The following TENM2 variants were observed in gnomAD, a reference collection of about 807,000 sequenced individuals.
The protein encoded by TENM2 is teneurin-2.
A neutral mutation model predicts 245.2 loss-of-function variants in TENM2; 52 were observed. That is an observed-to-expected ratio of 0.21 (90% CI 0.17 to 0.27). The LOEUF (loss-of-function observed/expected upper bound fraction) is 0.27, where lower values mean the gene tolerates loss of function less well. TENM2 is among the 10% of genes least tolerant of loss of function. The probability of loss-of-function intolerance (pLI) is 1.00; values close to 1 mark genes in which losing one functional copy is unlikely to be tolerated. For missense variants in TENM2, 3,046 were observed against 3,666.8 expected (o/e 0.83, Z 4.37); for synonymous variants, 1,363 against 1,438.9 (o/e 0.95, Z 1.19).
chr5:167,994,684 A>G (rs564099227), intron 5 of TENM2, among the ~76,000 whole-genome samples: 2 of 152,336 alleles, frequency 1.3e-5, no homozygotes, highest in African/African-American at 4.8e-5. Context: ...CTCCAGGGAA[A>G]GGTGCCGTGT....
chr5:167,848,690 C>T (rs951847766), intron 2 of TENM2, among the ~76,000 whole-genome samples: 2 of 152,170 alleles, frequency 1.3e-5, no homozygotes, highest in African/African-American at 4.8e-5. Context: ...GTTGTTGAGA[C>T]ATTGGTTCAC....
chr5:167,142,857 T>A, the TENM2 span, among the ~76,000 whole-genome samples: 2 of 152,258 alleles, frequency 1.3e-5, no homozygotes, highest in East Asian at 3.9e-4. Context: ...GCCTTATTCA[T>A]ATTTTTAAGC....
At chr5:167,640,445 C>T (rs1459857502) in intron 2 of TENM2, among the ~76,000 whole-genome samples, 2 of 151,998 alleles carry the variant, frequency 1.3e-5, no homozygotes, top group African/African-American at 4.8e-5. Context: ...TGGCAAAACC[C>T]TGCCTCTAAC....
At chr5:167,462,076 C>CACAT (rs1554159630) in intron 2 of TENM2, among the ~76,000 whole-genome samples, 3 of 151,778 alleles carry the variant, frequency 2.0e-5, no homozygotes, top group Admixed American at 6.6e-5. Flanking sequence ...GTTTTACATG[C>CACAT]ACATACATAC....
At chr5:167,879,847 G>T (rs1773730478) in intron 3 of TENM2, among the ~76,000 whole-genome samples, 1 of 152,096 alleles carries the variant, frequency 6.6e-6, no homozygotes. Flanking sequence ...CATGAAGGGT[G>T]CCCTAACCCT....
chr5:167,642,420 T>G (rs1363999324), intron 2 of TENM2, among the ~76,000 whole-genome samples: 1 of 152,164 alleles, frequency 6.6e-6, no homozygotes, highest in Non-Finnish European at 1.5e-5. Context: ...AGAACACAGT[T>G]GACAGAAAGT....
chr5:167,017,099 A>G, the TENM2 span, among the ~76,000 whole-genome samples: 5 of 152,166 alleles, frequency 3.3e-5, no homozygotes, highest in African/African-American at 4.8e-5. Context: ...TTTACAGAGG[A>G]GATAACTGAA....
intron 2 of TENM2, among the ~76,000 whole-genome samples, chr5:167,670,499 A>AT (rs5873058): frequency 3.3e-5 from 5 of 150,614 alleles, no homozygotes; most frequent in Admixed American, 6.6e-5. Flanking sequence ...CTCTCATCAC[A>AT]TTTTTTTTTC....
chr5:167,626,796 G>A (rs1778536680), intron 2 of TENM2, among the ~76,000 whole-genome samples: 1 of 152,198 alleles, frequency 6.6e-6, no homozygotes, highest in Non-Finnish European at 1.5e-5. Flanking sequence ...CTGGGTCTGG[G>A]TTTCTAGGCA....
At chr5:168,181,766 T>A (rs1464602698) in intron 13 of TENM2, among the ~76,000 whole-genome samples, 1 of 130,824 alleles carries the variant, frequency 7.6e-6, no homozygotes, top group Non-Finnish European at 1.6e-5. Flanking sequence ...AACCTCCACC[T>A]CCCGAGTTCA....
intron 27 of TENM2, among the ~76,000 whole-genome samples, chr5:168,253,842 A>C (rs1163843946): frequency 6.6e-6 from 1 of 152,226 alleles, no homozygotes; most frequent in Non-Finnish European, 1.5e-5. Flanking sequence ...CTCCCGATCC[A>C]CCTTGAAATA....
Position 168,246,981 on chromosome 5 carries a change from C to T in TENM2, c.6042C>T (p.Thr2014=), listed in dbSNP as rs376949830. The T allele has an allele frequency of 2.0e-5, 33 of 1,613,910 alleles. No individual in the cohort carries two copies. In the East Asian group the frequency reaches 3.3e-4, roughly 16 times the overall value. The change falls in exon 27 of 29, where the codon ACC becomes ACT. Residue 2014 remains threonine, a synonymous_variant. Coordinates refer to ENST00000518659, the Ensembl canonical transcript of TENM2. ...TCCTGAAGACCTCCTTTTTGGGCAC[C>T]GGACGCCAGGTGTTCTACAAGTATG...
At chr5:167,512,175 A>G (rs900460563) in intron 2 of TENM2, among the ~76,000 whole-genome samples, 13 of 152,208 alleles carry the variant, frequency 8.5e-5, no homozygotes, top group Admixed American at 6.5e-5. Flanking sequence ...TGCCTAGGTA[A>G]TGTAAGGAAT....
intron 2 of TENM2, among the ~76,000 whole-genome samples, chr5:167,729,415 T>C (rs983164770): frequency 1.6e-4 from 24 of 152,230 alleles, no homozygotes; most frequent in African/African-American, 5.5e-4. Flanking sequence ...AAAATAACAA[T>C]ATAAAATTAT....
chr5:167,199,689 AAGCTCATCGGG>A, the TENM2 span, among the ~76,000 whole-genome samples: 1 of 152,066 alleles, frequency 6.6e-6, no homozygotes, highest in Non-Finnish European at 1.5e-5. Context: ...TTTTTGAAAT[AAGCTCATCGGG>A]AGGTAGGAAG....
intron 2 of TENM2, among the ~76,000 whole-genome samples, chr5:167,870,554 C>CATATATATATATAT (rs60172043): frequency 2.2e-4 from 28 of 128,372 alleles, no homozygotes; most frequent in African/African-American, 7.9e-4. Context: ...AATGTGTATA[C>CATATATATATATAT]ATATATATAT....
chr5:168,232,600 C>T (rs374324998), intron 25 of TENM2, among the ~76,000 whole-genome samples: 52 of 152,330 alleles, frequency 3.4e-4, no homozygotes, highest in African/African-American at 1.2e-3. Context: ...GACTGGCAAG[C>T]TCCTGGGAGC....
rs771217193 is a variant in TENM2, at chr5:167,442,398, T to A, written c.502+66925T>A. Among the ~76,000 whole-genome samples, 108 of 152,198 alleles carry A rather than the reference T, an allele frequency of 7.1e-4. 1 individual carries two copies. Among genetic ancestry groups the A allele is most frequent in the Non-Finnish European group, 1.0e-3 (70 of 68,036 alleles). On this transcript the variant is annotated intron_variant, in intron 2 of 28. Transcript: ENST00000518659. ...TGTGTGAGTGGGCTCTCTAAACCCA[T>A]AACTAGAAATGGATTCTAGATTATA...
At chr5:168,037,538 C>CTTTTTTTTT (rs35253311) in intron 5 of TENM2, among the ~76,000 whole-genome samples, 6 of 135,626 alleles carry the variant, frequency 4.4e-5, no homozygotes, top group African/African-American at 1.7e-4. Context: ...CCATAATGGT[C>CTTTTTTTTT]TTTTTTTTTT....
Sources: gnomAD v4.1 joint callset for allele counts (sites outside exome capture counted in the v4.1 genomes callset) on GRCh38, gnomAD v4.1.1 for gene constraint, MANE v1.5 for transcripts, NCBI Gene and HGNC (gene_info 2026-07-23, HGNC 2026-07-21) for gene names.